Variants in NGF observed in about 807,000 individuals in gnomAD.
NGF encodes beta-nerve growth factor.
A neutral mutation model predicts 12.8 loss-of-function variants in NGF; 4 were observed. The observed-to-expected ratio is 0.31, with a 90% CI of 0.15 to 0.72. NGF has a LOEUF of 0.72. Ranked by LOEUF, NGF falls within the 30% of genes least tolerant of loss-of-function variation. The probability of loss-of-function intolerance (pLI) is 0.69; values close to 1 mark genes in which losing one functional copy is unlikely to be tolerated. For missense variants in NGF, 283 were observed against 330.8 expected, an observed-to-expected ratio of 0.86 and a Z score of 1.12; for synonymous variants, 140 against 130.0, an observed-to-expected ratio of 1.08 and a Z score of -0.52.
At chr1:115,337,261 G>GTTTTGTTTT (rs1655139013) in intron 1 of NGF, among the ~76,000 whole-genome samples, 1 of 11,758 alleles carries the variant, frequency 8.5e-5, no homozygotes. Flanking sequence ...TTTTTGTTTT[G>GTTTTGTTTT]TTTTTGTTTT....
chr1:115,298,251 C>T (rs1054865834), intron 1 of NGF, among the ~76,000 whole-genome samples: 3 of 152,114 alleles, frequency 2.0e-5, no homozygotes, highest in African/African-American at 7.2e-5. Flanking sequence ...CCATTATTGA[C>T]CATTATTAAG....
intron 1 of NGF, among the ~76,000 whole-genome samples, chr1:115,324,915 C>A (rs537736875): frequency 7.2e-5 from 11 of 152,240 alleles, no homozygotes; most frequent in African/African-American, 2.6e-4. Context: ...ATGAATGGGT[C>A]CCTCAATAAA....
At chr1:115,315,967 C>T (rs1416900607) in intron 1 of NGF, among the ~76,000 whole-genome samples, 1 of 152,198 alleles carries the variant, frequency 6.6e-6, no homozygotes. Context: ...GTCAAGCATA[C>T]ACTTGGCACA....
At chr1:115,325,268 A>G (rs1654741528) in intron 1 of NGF, among the ~76,000 whole-genome samples, 1 of 152,154 alleles carries the variant, frequency 6.6e-6, no homozygotes, top group Non-Finnish European at 1.5e-5. Context: ...CCACAACGGG[A>G]GGAGCGATTA....
intron 1 of NGF, among the ~76,000 whole-genome samples, chr1:115,332,335 A>C (rs2101056396): frequency 6.6e-6 from 1 of 152,334 alleles, no homozygotes; most frequent in East Asian, 1.9e-4. Flanking sequence ...CGCAAGATGA[A>C]ATGTTTGGTT....
intron 1 of NGF, among the ~76,000 whole-genome samples, chr1:115,320,108 T>C (rs1654577183): frequency 6.6e-6 from 1 of 151,298 alleles, no homozygotes; most frequent in African/African-American, 2.4e-5. Context: ...TTTGGTAGAG[T>C]TTTTGCAGGA....
chr1:115,316,061 AAAAGGCAATAGCGG>A (rs1285294633), intron 1 of NGF, among the ~76,000 whole-genome samples: 1 of 152,238 alleles, frequency 6.6e-6, no homozygotes, highest in African/African-American at 2.4e-5. Flanking sequence ...ACAATGTAGT[AAAAGGCAATAGCGG>A]GAGTCAATGT....
intron 1 of NGF, among the ~76,000 whole-genome samples, chr1:115,300,147 T>C (rs1571079354): frequency 6.6e-6 from 1 of 152,368 alleles, no homozygotes; most frequent in East Asian, 1.9e-4. Flanking sequence ...GTGTGTGGTA[T>C]GTTTTCTAAG....
chr1:115,290,641 C>T (rs1424797571), intron 2 of NGF, among the ~76,000 whole-genome samples: 1 of 152,172 alleles, frequency 6.6e-6, no homozygotes, highest in Non-Finnish European at 1.5e-5. Flanking sequence ...GATCCGCCCC[C>T]TCGGCCTCCC....
intron 1 of NGF, among the ~76,000 whole-genome samples, chr1:115,329,784 A>C (rs1325974552): frequency 1.0e-5 from 1 of 95,864 alleles, no homozygotes; most frequent in African/African-American, 4.3e-5. Flanking sequence ...GGTCTCACTT[A>C]TCTTGCCCAG....
chr1:115,337,267 G>GT lies in NGF; in HGVS notation c.-137+936dup, dbSNP rs67307707. 1.9e-3 allele frequency among the ~76,000 whole-genome samples: 157 copies of GT among 80,976 alleles called. 10 individuals carry two copies. The highest frequency in any genetic ancestry group is 2.7e-3 in the Non-Finnish European group (115 of 42,640). 53.1% of individuals were successfully genotyped at this position (80,976 alleles called of 152,430 possible). A position where few individuals can be genotyped will look rare whatever the true frequency, so the allele number is the denominator to read the frequency against. On this transcript the variant is annotated intron_variant, in intron 1 of 2. Transcript: ENST00000369512. The stretch of plus-strand genomic sequence containing the variant: ...TCGAAATTTTTTTTGTTTTGTTTTT[G>GT]TTTTTTTTTTTTTTTTTTTTTTTTT...
intron 1 of NGF, among the ~76,000 whole-genome samples, chr1:115,303,282 C>G (rs1654095597): frequency 6.6e-6 from 1 of 152,172 alleles, no homozygotes; most frequent in African/African-American, 2.4e-5. Flanking sequence ...AGTGCTCTCC[C>G]TCTCTGCTCA....
chr1:115,303,350 G>A (rs74551107), intron 1 of NGF, among the ~76,000 whole-genome samples: 1 of 152,040 alleles, frequency 6.6e-6, no homozygotes, highest in African/African-American at 2.4e-5. Flanking sequence ...GATCCATAGA[G>A]CATGGCAGCA....
At chr1:115,301,183 C>G (rs746561630) in intron 1 of NGF, among the ~76,000 whole-genome samples, 1 of 152,120 alleles carries the variant, frequency 6.6e-6, no homozygotes, top group Non-Finnish European at 1.5e-5. Context: ...CTGGAGCTAA[C>G]GAGAGACCCA....
At chr1:115,286,989 C>T (rs566442639) in intron 2 of NGF, among the ~76,000 whole-genome samples, 182 bp from the exon 3 acceptor site, 3 of 152,192 alleles carry the variant, frequency 2.0e-5, no homozygotes, top group African/African-American at 7.2e-5. Flanking sequence ...AGGCGTAACC[C>T]GGGGCTGACT....
At position 115,286,498 on chromosome 1, in the gene NGF, T is replaced by C; in HGVS notation, c.298A>G (p.Thr100Ala). The change falls in exon 3 of 3, where the codon ACT becomes GCT. Residue 100 changes from threonine to alanine, a missense_variant. Thr to Ala is a moderately conservative substitution (Grantham distance 58). This residue lies in a region of NGF where 151 missense variants were observed against 141.6 expected (regional missense o/e 1.07). Coordinates refer to ENST00000369512, the MANE Select transcript of NGF (RefSeq NM_002506.3). ...CCGACCTCGAAGTCCAGATCCTGAGTGTCTGCAGCTTCACGGGGAGGCTGG... is the reference window on the plus strand; with the variant it reads ...CCGACCTCGAAGTCCAGATCCTGAGCGTCTGCAGCTTCACGGGGAGGCTGG... ...STQPPREAAD[T>A]QDLDFEVGGA... 1 of 1,613,994 alleles carries C rather than the reference T, an allele frequency of 6.2e-7. No homozygotes were observed.
At chr1:115,325,330 C>T (rs1654743858) in intron 1 of NGF, among the ~76,000 whole-genome samples, 1 of 152,120 alleles carries the variant, frequency 6.6e-6, no homozygotes, top group Admixed American at 6.5e-5. Flanking sequence ...TTTCCTCCAC[C>T]CCAGAACTAT....
chr1:115,293,418 C>T (rs1459683832), intron 2 of NGF, among the ~76,000 whole-genome samples: 1 of 152,204 alleles, frequency 6.6e-6, no homozygotes, highest in Non-Finnish European at 1.5e-5. Flanking sequence ...TCCCTGGGGC[C>T]CATGGGGCCA....
chr1:115,330,749 C>T (rs1380633456), intron 1 of NGF, among the ~76,000 whole-genome samples: 9 of 152,080 alleles, frequency 5.9e-5, no homozygotes, highest in East Asian at 1.9e-4. Context: ...GCAATGTGCA[C>T]GCTAATTGAG....
Sources: allele counts gnomAD v4.1 joint callset (sites outside exome capture counted in the v4.1 genomes callset), GRCh38; gene constraint gnomAD v4.1.1; regional missense constraint gnomAD v4.1.1; transcripts MANE v1.5; gene names NCBI Gene and HGNC (gene_info 2026-07-23, HGNC 2026-07-21).